The following KCNB2 variants were observed in gnomAD, a reference collection of about 807,000 sequenced individuals.
The protein encoded by KCNB2 is delayed rectifier potassium channel protein.
A neutral mutation model predicts 61.5 loss-of-function variants in KCNB2; 15 were observed. The ratio of observed to expected loss-of-function variants is 0.24; its 90% CI spans 0.16 to 0.38. KCNB2 has a LOEUF of 0.38. Among genes scored for constraint, KCNB2 ranks in the 10% least tolerant of loss-of-function variants. The probability of loss-of-function intolerance (pLI) is 1.00; values close to 1 mark genes in which losing one functional copy is unlikely to be tolerated. For synonymous variants in KCNB2, 457 were observed against 446.0 expected (o/e 1.02, Z -0.31); for missense variants, 828 against 1,125.2 (o/e 0.74, Z 3.78).
chr8:72,751,952 T>C (rs1391311871), intron 2 of KCNB2: 1 of 152,220 alleles, frequency 6.6e-6, no homozygotes, highest in Non-Finnish European at 1.5e-5. Flanking sequence ...GTGTCTTCTT[T>C]AGACAGAGCG....
intron 2 of KCNB2, among the ~76,000 whole-genome samples, chr8:72,830,316 C>A (rs562989487): frequency 6.6e-6 from 1 of 150,540 alleles, no homozygotes; most frequent in African/African-American, 2.4e-5. Context: ...TCTATCCAGA[C>A]GATTATCCTC....
rs981619557 is a variant in KCNB2 at position 72,916,226 on chromosome 8, A to G, written c.580-19709A>G. ...CTTTTTCTCCCACATGCTTTTGGAA[A>G]AGGTTGGTTAAATATAAAAGATTAT... is the stretch of plus-strand genomic sequence containing the variant. On this transcript the variant is annotated intron_variant, in intron 2 of 2. Transcript: ENST00000523207. Among the ~76,000 whole-genome samples, 11 of 152,146 alleles carry G rather than the reference A, an allele frequency of 7.2e-5. No homozygotes were observed. In the South Asian group the frequency reaches 2.3e-3, roughly 32 times the overall value.
intron 2 of KCNB2, among the ~76,000 whole-genome samples, chr8:72,591,674 A>G (rs752613032): frequency 6.6e-6 from 1 of 152,168 alleles, no homozygotes; most frequent in African/African-American, 2.4e-5. Flanking sequence ...GATTCAAGAA[A>G]GATAAGATTC....
chr8:72,652,064 GACC>G (rs1419257387), intron 2 of KCNB2, among the ~76,000 whole-genome samples: 4 of 151,908 alleles, frequency 2.6e-5, no homozygotes, highest in African/African-American at 9.7e-5. Context: ...AATCTACTTT[GACC>G]ACTTCTCAAC....
chr8:72,671,305 TTAA>T (rs1709698568), intron 2 of KCNB2, among the ~76,000 whole-genome samples: 1 of 152,316 alleles, frequency 6.6e-6, no homozygotes, highest in East Asian at 1.9e-4. Context: ...ACTCTTCTTA[TTAA>T]TAATATTGTT....
chr8:72,884,989 TA>T (rs1213863858), intron 2 of KCNB2, among the ~76,000 whole-genome samples: 2 of 152,210 alleles, frequency 1.3e-5, no homozygotes, highest in Admixed American at 6.5e-5. Flanking sequence ...AATTTTATTT[TA>T]AAAAGATATC....
rs370643005 is a variant in KCNB2 at position 72,895,013 on chromosome 8, C to G, written c.580-40922C>G. Among the ~76,000 whole-genome samples the G allele has an allele frequency of 1.7e-4, 26 of 152,236 alleles. 1 individual carries two copies. The East Asian group carries it at 3.9e-3, about 23-fold the overall frequency. On this transcript the variant is annotated intron_variant, in intron 2 of 2. Coordinates refer to ENST00000523207, the MANE Select transcript of KCNB2 (RefSeq NM_004770.3). ...TTCCTGTGATCCACTGGACCCTCCC[C>G]CTAAGGCCCTTAGAAAATGGTTGGG...
intron 2 of KCNB2, among the ~76,000 whole-genome samples, chr8:72,740,523 A>T (rs1807933850): frequency 6.6e-6 from 1 of 152,208 alleles, no homozygotes. Context: ...GAATAGGCTT[A>T]TAAAACCCTT....
chr8:72,926,518 T>C (rs1806652626), intron 2 of KCNB2, among the ~76,000 whole-genome samples: 1 of 152,156 alleles, frequency 6.6e-6, no homozygotes, highest in African/African-American at 2.4e-5. Context: ...TGTGCCATGG[T>C]GGTTTGCTGC....
intron 1 of KCNB2, among the ~76,000 whole-genome samples, chr8:72,541,429 G>A (rs1234087169): frequency 2.0e-5 from 3 of 152,050 alleles, no homozygotes; most frequent in Admixed American, 1.3e-4. Context: ...TTCTTAACTT[G>A]TCTAAAGTCA....
At chr8:72,737,165 G>A (rs558163419) in intron 2 of KCNB2, among the ~76,000 whole-genome samples, 1 of 152,078 alleles carries the variant, frequency 6.6e-6, no homozygotes, top group South Asian at 2.1e-4. Flanking sequence ...AATAAGCTTT[G>A]TGAAAGAGTC....
chr8:72,591,851 A>G (rs1407106647), intron 2 of KCNB2, among the ~76,000 whole-genome samples: 1 of 152,144 alleles, frequency 6.6e-6, no homozygotes, highest in African/African-American at 2.4e-5. Flanking sequence ...CTATTATTTT[A>G]TGCAAAGTTT....
At chr8:72,680,128 A>G (rs1353829359) in intron 2 of KCNB2, among the ~76,000 whole-genome samples, 1 of 152,240 alleles carries the variant, frequency 6.6e-6, no homozygotes, top group Non-Finnish European at 1.5e-5. Context: ...GTACTTCTCA[A>G]GCACTACAAC....
rs770193558 is a variant in KCNB2 at position 72,935,955 on chromosome 8, C to T, written c.600C>T (p.Ile200=). ...TCCAGATCCTGGCCATCGTGTCTAT[C>T]CTGTTCATTGTGCTTTCCACCATTG... The part of the protein sequence containing the change: ...VAAKILAIVS[I]LFIVLSTIAL... The change falls in exon 3 of 3, where the codon ATC becomes ATT. Residue 200 remains isoleucine, a synonymous_variant. Coordinates refer to ENST00000523207, the MANE Select transcript of KCNB2 (RefSeq NM_004770.3). The T allele has an allele frequency of 1.1e-5, 17 of 1,614,012 alleles. No individual in the cohort carries two copies. Among genetic ancestry groups the T allele is most frequent in the Non-Finnish European group, 1.4e-5 (17 of 1,179,876 alleles).
intron 2 of KCNB2, among the ~76,000 whole-genome samples, chr8:72,692,791 T>A (rs956735406): frequency 6.7e-6 from 1 of 148,942 alleles, no homozygotes; most frequent in South Asian, 2.1e-4. Context: ...ATTATTTATT[T>A]ATTTATTATT....
chr8:72,548,341 G>A (rs1177803147), intron 1 of KCNB2, among the ~76,000 whole-genome samples: 4 of 152,106 alleles, frequency 2.6e-5, no homozygotes, highest in Non-Finnish European at 5.9e-5. Context: ...ATGAACAATG[G>A]GAGACATAAA....
chr8:72,887,684 A>C (rs1392247575), intron 2 of KCNB2, among the ~76,000 whole-genome samples: 1 of 152,188 alleles, frequency 6.6e-6, no homozygotes, highest in Admixed American at 6.5e-5. Flanking sequence ...TACTTTCCTA[A>C]GTGCTTTATT....
At chr8:72,575,530 A>G (rs909638448) in intron 2 of KCNB2, among the ~76,000 whole-genome samples, 3 of 152,174 alleles carry the variant, frequency 2.0e-5, no homozygotes, top group African/African-American at 7.2e-5. Flanking sequence ...TTGTTTGTTA[A>G]GGAATGTTGA....
chr8:72,927,876 T>C (rs1416755400), intron 2 of KCNB2, among the ~76,000 whole-genome samples: 1 of 152,208 alleles, frequency 6.6e-6, no homozygotes, highest in East Asian at 1.9e-4. Context: ...TTCAAAGCCT[T>C]TGCCCACCAT....
Sources: allele counts gnomAD v4.1 joint callset (sites outside exome capture counted in the v4.1 genomes callset), GRCh38; gene constraint gnomAD v4.1.1; transcripts MANE v1.5; gene names NCBI Gene and HGNC (gene_info 2026-07-23, HGNC 2026-07-21).